SPECC1L: variants seen among roughly 807,000 people sequenced by gnomAD.
SPECC1L encodes the protein cytospin-A.
SPECC1L carries 40 observed loss-of-function variants against 116.8 expected under a neutral mutation model. The ratio of observed to expected loss-of-function variants is 0.34; its 90% confidence interval spans 0.27 to 0.45. The LOEUF (loss-of-function observed/expected upper bound fraction) is 0.45. Ranked by LOEUF, SPECC1L falls within the 20% of genes least tolerant of loss-of-function variation. The pLI is 1.00. For synonymous variants in SPECC1L, 504 were observed against 500.6 expected (o/e 1.01, Z -0.09); for missense variants, 1,110 against 1,373.6 (o/e 0.81, Z 3.03).
intron 10 of SPECC1L, 118 bp from the exon 11 acceptor site, chr22:24,346,968 A>G (rs2041308833): frequency 1.1e-5 from 9 of 825,756 alleles, no homozygotes; most frequent in South Asian, 7.1e-5. Context: ...CAACCTTACT[A>G]TAGCAGTATG....
intron 4 of SPECC1L, among the ~76,000 whole-genome samples, chr22:24,319,068 T>G (rs1423827745): frequency 6.6e-6 from 1 of 152,230 alleles, no homozygotes; most frequent in Non-Finnish European, 1.5e-5. Context: ...GTGGGACCTC[T>G]TTTACCTCAT....
At chr22:24,284,979 G>T (rs974339163) in intron 2 of SPECC1L, among the ~76,000 whole-genome samples, 1 of 152,174 alleles carries the variant, frequency 6.6e-6, no homozygotes, top group Non-Finnish European at 1.5e-5. Flanking sequence ...GTGTAATTTT[G>T]TAGTTGATTG....
At chr22:24,365,098 C>G (rs1331015896) in intron 12 of SPECC1L, among the ~76,000 whole-genome samples, 2 of 152,108 alleles carry the variant, frequency 1.3e-5, no homozygotes, top group East Asian at 3.9e-4. Flanking sequence ...ACCTCCACCA[C>G]CCGGGTTTAA....
intron 2 of SPECC1L, among the ~76,000 whole-genome samples, chr22:24,301,654 T>G (rs893352697): frequency 1.3e-5 from 2 of 152,200 alleles, no homozygotes; most frequent in African/African-American, 4.8e-5. Context: ...TTCTAAAGGT[T>G]TATTGCTTTC....
intron 14 of SPECC1L, among the ~76,000 whole-genome samples, chr22:24,403,258 A>T (rs1025348676): frequency 2.0e-5 from 3 of 152,002 alleles, no homozygotes; most frequent in African/African-American, 7.3e-5. Context: ...TGTTTTGTCG[A>T]CCCTAATCCA....
intron 2 of SPECC1L, among the ~76,000 whole-genome samples, chr22:24,291,914 TATTA>T (rs1490949345): frequency 3.3e-5 from 5 of 152,164 alleles, no homozygotes; most frequent in Non-Finnish European, 7.4e-5. Context: ...CACAGAGAAT[TATTA>T]ATTAAATAGG....
chr22:24,273,890 G>C (rs5760302), intron 1 of SPECC1L, among the ~76,000 whole-genome samples: 6,767 of 152,228 alleles, frequency 0.044, 335 homozygotes, highest in South Asian at 0.14. Context: ...TCCCAAGTAG[G>C]TGGGATTACA....
chr22:24,317,787 G>A (rs1422176664), intron 4 of SPECC1L, among the ~76,000 whole-genome samples: 1 of 150,620 alleles, frequency 6.6e-6, no homozygotes, highest in Non-Finnish European at 1.5e-5. Context: ...TGGGCGGAGG[G>A]GCTCCTCACT....
At chr22:24,369,363 C>G in intron 14 of SPECC1L, 43 bp downstream of exon 14, 1 of 1,420,596 alleles carries the variant, frequency 7.0e-7, no homozygotes, top group Non-Finnish European at 1.0e-6. Context: ...AATTGGCAAA[C>G]CAACTGCTGG....
intron 3 of SPECC1L, among the ~76,000 whole-genome samples, chr22:24,303,695 C>T (rs1312843033): frequency 6.6e-6 from 1 of 152,168 alleles, no homozygotes; most frequent in Non-Finnish European, 1.5e-5. Flanking sequence ...GCATGTTACA[C>T]CTTCTGAGTC....
chr22:24,400,875 C>T (rs772024493), intron 14 of SPECC1L, among the ~76,000 whole-genome samples: 2 of 152,150 alleles, frequency 1.3e-5, no homozygotes, highest in African/African-American at 2.4e-5. Flanking sequence ...GTTCTATTTA[C>T]GTCCTTTGCT....
rs150629344 is a variant in SPECC1L at position 24,386,752 on chromosome 22, C to T, written c.3087+17432C>T. ...CCAAGTAGCTGGGACTACAGGCGCC[C>T]GCCACCACACCCGGCTAATTTTTTT... On this transcript the variant is annotated intron_variant, in intron 14 of 16. Coordinates refer to ENST00000314328, the MANE Select transcript of SPECC1L (RefSeq NM_015330.6). Among the ~76,000 whole-genome samples, 1,173 of 152,100 alleles carry T rather than the reference C, an allele frequency of 7.7e-3. 13 individuals are homozygous for T. The highest frequency in any genetic ancestry group is 0.026 in the African/African-American group (1,085 of 41,482).
intron 10 of SPECC1L, chr22:24,343,450 G>C: frequency 2.5e-6 from 1 of 402,664 alleles, no homozygotes. Flanking sequence ...AAATGGTTGT[G>C]TTTTTTTTTT....
chr22:24,360,165 C>T (rs1023024570), intron 11 of SPECC1L, among the ~76,000 whole-genome samples: 1 of 152,210 alleles, frequency 6.6e-6, no homozygotes, highest in Non-Finnish European at 1.5e-5. Context: ...CTGCCTGCTA[C>T]ACTCAATTGT....
intron 14 of SPECC1L, among the ~76,000 whole-genome samples, chr22:24,374,320 C>T (rs1375850611): frequency 2.1e-4 from 32 of 151,936 alleles, no homozygotes; most frequent in Admixed American, 2.1e-3. Flanking sequence ...GACACATGCA[C>T]ACGTATGTTT....
intron 2 of SPECC1L, among the ~76,000 whole-genome samples, chr22:24,286,423 CAAT>C (rs2049044626): frequency 6.6e-6 from 1 of 152,160 alleles, no homozygotes; most frequent in Non-Finnish European, 1.5e-5. Flanking sequence ...CTTGAACTTG[CAAT>C]ACATTGCTCC....
intron 14 of SPECC1L, among the ~76,000 whole-genome samples, chr22:24,372,559 T>A (rs1322703173): frequency 1.3e-5 from 2 of 152,176 alleles, no homozygotes; most frequent in African/African-American, 4.8e-5. Flanking sequence ...AAAAGGCCTT[T>A]GACAAAATTC....
chr22:24,332,750 AT>A (rs2040963841), intron 8 of SPECC1L, among the ~76,000 whole-genome samples: 1 of 152,016 alleles, frequency 6.6e-6, no homozygotes, highest in Non-Finnish European at 1.5e-5. Flanking sequence ...TTTCATAAAA[AT>A]ATATTAGCCC....
Position 24,369,253 on chromosome 22 carries a change from G to T in SPECC1L, c.3020G>T (p.Arg1007Ile), listed in dbSNP as rs893629574. ...ERKDPLSALAREYGGSKRNAL... is the reference protein window; with the variant it reads ...ERKDPLSALAIEYGGSKRNAL... ...AAAGACCCTCTCTCAGCATTGGCCA[G>T]AGAATATGGAGGATCAAAGAGGAAC... is the stretch of plus-strand genomic sequence containing the variant. Residue 1007 changes from arginine (R) to isoleucine (I), a missense_variant, in exon 14 of 17, where the codon AGA (arginine) becomes ATA (isoleucine). Arg to Ile is a moderately conservative substitution (Grantham distance 97). This residue lies in a region of SPECC1L where 76 missense variants were observed against 148.5 expected (regional missense o/e 0.51). Transcript: ENST00000314328. The T allele has an allele frequency of 1.2e-6, 2 of 1,614,196 alleles. No homozygotes were observed. Among genetic ancestry groups the T allele is most frequent in the African/African-American group, 2.7e-5 (2 of 75,064 alleles).
Sources: gnomAD v4.1 joint callset for allele counts (sites outside exome capture counted in the v4.1 genomes callset) on GRCh38, gnomAD v4.1.1 for gene constraint, gnomAD v4.1.1 regional missense constraint, MANE v1.5 for transcripts, NCBI Gene and HGNC (gene_info 2026-07-23, HGNC 2026-07-21) for gene names.